AP2A1: variants seen among roughly 807,000 people sequenced by gnomAD.
AP2A1 encodes the protein adaptor related protein complex 2 subunit alpha 1.
Under a neutral mutation model 107.3 loss-of-function variants are expected in AP2A1, and 21 were observed. The observed-to-expected ratio is 0.20, with a 90% confidence interval of 0.14 to 0.28. AP2A1 has a LOEUF of 0.28. Ranked by LOEUF, AP2A1 falls within the 10% of genes least tolerant of loss-of-function variation. The pLI, the probability that AP2A1 is intolerant of heterozygous loss-of-function variation, is 1.00. For synonymous variants in AP2A1, 602 were observed against 564.8 expected, an observed-to-expected ratio of 1.07 and a Z score of -0.93; for missense variants, 873 against 1,307.7, an observed-to-expected ratio of 0.67 and a Z score of 5.13.
chr19:49,787,195 T>C lies in AP2A1; in HGVS notation c.473+4471T>C, dbSNP rs940485523. 5.3e-5 allele frequency among the ~76,000 whole-genome samples: 8 copies of C among 151,710 alleles called. No homozygotes were observed. In the East Asian group the frequency reaches 1.4e-3, roughly 26 times the overall value. On this transcript the variant is annotated intron_variant, in intron 4 of 22. Transcript: ENST00000354293. ...CTAATTTTTGTATTTCTTTTTTTTT[T>C]TGTAGAGATGGGGTTTTGCTATGTT...
rs367804785 is a variant in AP2A1 at position 49,802,046 on chromosome 19, G to A, written c.2019G>A (p.Pro673=). The change falls in exon 15 of 23, where the codon CCG becomes CCA. Residue 673 remains proline (P), a synonymous_variant. Coordinates refer to ENST00000354293, the MANE Select transcript of AP2A1 (RefSeq NM_130787.3). ...CAGCCCCTCCCCCGGCAGCACCCCCGGCTTCTGCAGGAGCAGGGAACCTTC... is the reference window on the plus strand; with the variant it reads ...CAGCCCCTCCCCCGGCAGCACCCCCAGCTTCTGCAGGAGCAGGGAACCTTC... ...LRAAPPPAAP[P]ASAGAGNLLV... The A allele has an allele frequency of 7.0e-6, 11 of 1,578,786 alleles. No individual in the cohort carries two copies. In the Admixed American group the frequency reaches 1.2e-4, roughly 18 times the overall value.
chr19:49,772,250 T>TTTTTTTTG (rs1568572988), intron 1 of AP2A1, among the ~76,000 whole-genome samples: 16 of 106,822 alleles, frequency 1.5e-4, no homozygotes, highest in South Asian at 4.0e-4. Context: ...CATAGAGTTT[T>TTTTTTTTG]TTTTTTTTTT....
intron 1 of AP2A1, among the ~76,000 whole-genome samples, chr19:49,778,146 C>T (rs528435952): frequency 9.9e-5 from 15 of 152,112 alleles, no homozygotes; most frequent in African/African-American, 2.9e-4. Flanking sequence ...CGTGTATTAA[C>T]GATGGGGATA....
At chr19:49,768,001 A>G (rs1465465975) in intron 1 of AP2A1, among the ~76,000 whole-genome samples, 1 of 151,928 alleles carries the variant, frequency 6.6e-6, no homozygotes, top group Non-Finnish European at 1.5e-5. Context: ...AGAAGAGGAC[A>G]TTAGAGTAGG....
chr19:49,796,131 G>T, intron 7 of AP2A1: 1 of 214,136 alleles, frequency 4.7e-6, no homozygotes, highest in Non-Finnish European at 9.5e-6. Context: ...CCATAGCCCT[G>T]TCAGGGGTTT....
rs2084724341 is a variant in AP2A1 at position 49,785,357 on chromosome 19, A to G, written c.473+2633A>G. Among the ~76,000 whole-genome samples the G allele has an allele frequency of 1.3e-5, 2 of 152,166 alleles. No homozygotes were observed. Among genetic ancestry groups the G allele is most frequent in the South Asian group, 4.1e-4 (2 of 4,834 alleles). ...TATGAGAAGGGCATGTTTCGGGAGTAGAGTCGATGGATTATATGTGCTGTG... is the reference window on the plus strand; with the variant it reads ...TATGAGAAGGGCATGTTTCGGGAGTGGAGTCGATGGATTATATGTGCTGTG... On this transcript the variant is annotated intron_variant, in intron 4 of 22. Coordinates refer to ENST00000354293, the MANE Select transcript of AP2A1 (RefSeq NM_130787.3). This position sits in a 1 kb window ranked among gnomAD's most constrained non-coding sequence, Gnocchi z 4.1.
intron 1 of AP2A1, among the ~76,000 whole-genome samples, chr19:49,778,398 C>T (rs1281706227): frequency 6.6e-6 from 1 of 152,120 alleles, no homozygotes; most frequent in Non-Finnish European, 1.5e-5. Context: ...GCCTGGCCAA[C>T]GTGGTGAAAC....
In AP2A1 at chr19:49,767,139, G is replaced by A. The variant is rs768065308; in HGVS notation, c.6G>A (p.Pro2=). ...GAGCCGACACCACCGCCATCATGCC[G>A]GCCGTGTCCAAGGGCGATGGGATGC... The part of the protein sequence containing the change: M[P]AVSKGDGMRG... Residue 2 remains proline (P), a synonymous_variant, in exon 1 of 23, where the codon CCG becomes CCA. Coordinates refer to ENST00000354293, the MANE Select transcript of AP2A1 (RefSeq NM_130787.3). 2.3e-5 allele frequency: 37 copies of A among 1,611,476 alleles called. No homozygotes were observed. The highest frequency in any genetic ancestry group is 2.9e-5 in the Non-Finnish European group (34 of 1,179,684).
chr19:49,786,975 G>A (rs546643376), intron 4 of AP2A1, among the ~76,000 whole-genome samples: 10 of 152,250 alleles, frequency 6.6e-5, no homozygotes, highest in East Asian at 5.8e-4. Flanking sequence ...ACTGGGGCAC[G>A]AAGGAACTTT....
At chr19:49,768,129 A>G (rs544129110) in intron 1 of AP2A1, among the ~76,000 whole-genome samples, 6 of 152,192 alleles carry the variant, frequency 3.9e-5, no homozygotes, top group Admixed American at 2.0e-4. Flanking sequence ...AATCCCAGAG[A>G]GAGGTCAGGG....
chr19:49,773,278 G>T (rs1017042963), intron 1 of AP2A1, among the ~76,000 whole-genome samples: 5 of 152,232 alleles, frequency 3.3e-5, no homozygotes, highest in African/African-American at 1.2e-4. Flanking sequence ...TCTAGGCAGA[G>T]TCTGGCTGGA....
At chr19:49,794,001 C>T (rs1465261068) in intron 6 of AP2A1, among the ~76,000 whole-genome samples, 20 of 145,604 alleles carry the variant, frequency 1.4e-4, no homozygotes, top group Admixed American at 1.1e-3. Flanking sequence ...CCCAGGTTCA[C>T]GCCATTCTCC....
intron 15 of AP2A1, chr19:49,802,405 T>G: frequency 3.9e-6 from 4 of 1,023,530 alleles, no homozygotes; most frequent in Non-Finnish European, 4.4e-6. Flanking sequence ...TGCTCTTCCT[T>G]TTCTCCTTCT....
Position 49,767,109 on chromosome 19 carries a change from G to A in AP2A1, c.-25G>A, listed in dbSNP as rs1600209302. ...GCTGCTCTGTGCCCTGTCCGGCCAG[G>A]CCTGGAGCCGACACCACCGCCATCA... is the stretch of plus-strand genomic sequence containing the variant. On this transcript the variant is annotated 5_prime_UTR_variant, in exon 1 of 23. Coordinates refer to ENST00000354293, the MANE Select transcript of AP2A1 (RefSeq NM_130787.3). The A allele has an allele frequency of 6.2e-7, 1 of 1,609,534 alleles. No individual in the cohort carries two copies. The highest frequency in any genetic ancestry group is 8.5e-7 in the Non-Finnish European group (1 of 1,179,354).
chr19:49,774,149 G>A (rs1240695989), intron 1 of AP2A1, among the ~76,000 whole-genome samples: 1 of 152,166 alleles, frequency 6.6e-6, no homozygotes, highest in East Asian at 1.9e-4. Context: ...ACAGATGCAG[G>A]CCTGAGCCCC....
chr19:49,795,683 A>G lies in AP2A1; in HGVS notation c.759A>G (p.Pro253=). 2.6e-6 allele frequency: 4 copies of G among 1,521,278 alleles called. No homozygotes were observed. The highest frequency in any genetic ancestry group is 3.5e-6 in the Non-Finnish European group (4 of 1,133,064). The allele number at this position is 1,521,278 out of a possible 1,614,324, so 94.2% of individuals were successfully genotyped here. Residue 253 remains proline, a synonymous_variant, in exon 7 of 23, where the codon CCA becomes CCG. Coordinates refer to ENST00000354293, the MANE Select transcript of AP2A1 (RefSeq NM_130787.3). ...DLQDYTYYFV[P]APWLSVKLLR... ...AGGACTACACCTACTACTTCGTCCC[A>G]GCACCCTGGCTCTCGGTGAAGCTCC...
intron 5 of AP2A1, 57 bp downstream of exon 5, chr19:49,792,121 C>T (rs1266589587): frequency 1.0e-5 from 16 of 1,537,046 alleles, no homozygotes; most frequent in Middle Eastern, 2.3e-4. Context: ...CAGCCCTGAC[C>T]CCCCTGGATG....
At chr19:49,774,026 AG>A (rs36019505) in intron 1 of AP2A1, among the ~76,000 whole-genome samples, 148,310 of 152,222 alleles carry the variant, frequency 0.97, 72,297 homozygotes, top group East Asian at 1. Context: ...GAGCCATGGA[AG>A]GGGTTTGGAG....
intron 7 of AP2A1, chr19:49,796,461 G>A (rs2073214813): frequency 6.6e-6 from 1 of 152,340 alleles, no homozygotes; most frequent in African/African-American, 2.4e-5. Context: ...GTGCTGAGGG[G>A]CTTGGCACAC....
Sources: gnomAD v4.1 joint callset for allele counts (sites outside exome capture counted in the v4.1 genomes callset) on GRCh38, gnomAD v4.1.1 for gene constraint, Gnocchi (gnomAD v3.1) non-coding constraint, MANE v1.5 for transcripts, NCBI Gene and HGNC (gene_info 2026-07-23, HGNC 2026-07-21) for gene names.